Variants in CASKIN1 observed in about 807,000 individuals in gnomAD.
The protein encoded by CASKIN1 is CASK interacting protein 1.
Under a neutral mutation model 117.5 loss-of-function variants are expected in CASKIN1, and 42 were observed. The observed-to-expected ratio is 0.36, with a 90% CI of 0.28 to 0.46. The LOEUF is 0.46. CASKIN1 is among the 20% of genes least tolerant of loss of function. CASKIN1 has a pLI of 1.00. For missense variants in CASKIN1, 2,083 were observed against 2,077.3 expected (o/e 1.00, Z -0.05); for synonymous variants, 1,148 against 961.7 (o/e 1.19, Z -3.59).
rs572439884 is a variant in CASKIN1 at position 2,188,827 on chromosome 16, C to A, written c.617+200G>T. On this transcript the variant is annotated intron_variant, in intron 6 of 19. Coordinates refer to ENST00000343516, the MANE Select transcript of CASKIN1 (RefSeq NM_020764.4). ...AGGAGCGGTGGGGCTGGGACAGAGACGTCGCAGAAGCCCCCTTCCCAGCCC... is the reference window on the plus strand; with the variant it reads ...AGGAGCGGTGGGGCTGGGACAGAGAAGTCGCAGAAGCCCCCTTCCCAGCCC... 1.3e-4 allele frequency: 93 copies of A among 689,016 alleles called. 1 individual carries two copies. Among genetic ancestry groups the A allele is most frequent in the Middle Eastern group, 1.2e-3 (3 of 2,438 alleles). 42.7% of individuals were successfully genotyped at this position (689,016 alleles called of 1,614,324 possible).
chr16:2,178,554 T>A lies in CASKIN1; in HGVS notation c.4292A>T (p.Glu1431Val). The A allele has an allele frequency of 6.3e-7, 1 of 1,590,556 alleles. No homozygotes were observed. Residue 1431 changes from glutamate (E) to valine (V), a missense_variant, in exon 20 of 20, where the codon GAG (glutamate) becomes GTG (valine). Transcript: ENST00000343516. ...DLADQLDAML[E>V] ...GAGGGCCCGGCCAGGCGGCGTTCAC[T>A]CCAGCATGGCATCCAGCTGGTCGGC... is the stretch of plus-strand genomic sequence containing the variant.
At position 2,196,199 on chromosome 16, in the gene CASKIN1, A is replaced by G. The variant is rs1675069054; in HGVS notation, c.94+140T>C. ...GGGCAGCGGGTGGAGGGCACGGACC[A>G]AGGGTCTGGGCGCTGCTGGCCCCGC... is the stretch of plus-strand genomic sequence containing the variant. On this transcript the variant is annotated intron_variant, in intron 1 of 19. Coordinates refer to ENST00000343516, the MANE Select transcript of CASKIN1 (RefSeq NM_020764.4). This position sits in a 1 kb window ranked among gnomAD's most constrained non-coding sequence, Gnocchi z 5.7. The G allele has an allele frequency of 3.9e-6, 1 of 254,170 alleles. No homozygotes were observed. Among genetic ancestry groups the G allele is most frequent in the Non-Finnish European group, 7.3e-6 (1 of 137,916 alleles). The allele number at this position is 254,170 out of a possible 1,614,324, so 15.7% of individuals were successfully genotyped here.
chr16:2,190,069 T>C lies in CASKIN1; in HGVS notation c.244+4A>G. ...CCCCACCAGAGGCCCTCGGCTAGTC[T>C]TGCCTTTGTTGTCCTTGATGTCCAC... On this transcript the variant is annotated splice_donor_region_variant and intron_variant, in intron 3 of 19. Coordinates refer to ENST00000343516, the MANE Select transcript of CASKIN1 (RefSeq NM_020764.4). 1.3e-6 allele frequency: 2 copies of C among 1,598,648 alleles called. No homozygotes were observed. The highest frequency in any genetic ancestry group is 1.7e-6 in the Non-Finnish European group (2 of 1,170,230).
chr16:2,186,886 T>C (rs948135482), intron 9 of CASKIN1, 62 bp from the exon 10 acceptor site: 2 of 1,602,690 alleles, frequency 1.2e-6, no homozygotes, highest in South Asian at 1.1e-5. Flanking sequence ...TCCTGCCCAG[T>C]GCCCCCCAGT....
intron 6 of CASKIN1, among the ~76,000 whole-genome samples, chr16:2,188,458 C>G (rs1471480878): frequency 6.6e-6 from 1 of 151,712 alleles, no homozygotes; most frequent in Non-Finnish European, 1.5e-5. Context: ...TCAAGTGATT[C>G]TCCTGCCTTA....
chr16:2,193,763 C>G (rs2093207592), intron 1 of CASKIN1, among the ~76,000 whole-genome samples: 1 of 152,232 alleles, frequency 6.6e-6, no homozygotes, highest in Admixed American at 6.5e-5. Context: ...GTCCCTCTCC[C>G]CACTTATGGT....
In CASKIN1 at chr16:2,183,709, C is replaced by T; in HGVS notation, c.1566G>A (p.Arg522=). The T allele has an allele frequency of 6.2e-7, 1 of 1,613,392 alleles. No homozygotes were observed. Among genetic ancestry groups the T allele is most frequent in the African/African-American group, 1.3e-5 (1 of 75,068 alleles). The change falls in exon 16 of 20, where the codon CGG becomes CGA. Residue 522 remains arginine, a synonymous_variant. Coordinates refer to ENST00000343516, the MANE Select transcript of CASKIN1 (RefSeq NM_020764.4). ...TAIGVTKPGH[R]KKIAAEISGL... ...CGCTGATCTCTGCCGCGATCTTCTT[C>T]CGGTGGCCCGGCTTGGTGACACCAA...
At position 2,179,634 on chromosome 16, in the gene CASKIN1, G is replaced by T; in HGVS notation, c.3734C>A (p.Pro1245His). Reference sequence around the variant, plus strand: ...TGGCAGCGGCACCTTCTTGGAGGTGGGTGTGGGCGAGCCCTGGAGCTTGGG... The same window carrying T: ...TGGCAGCGGCACCTTCTTGGAGGTGTGTGTGGGCGAGCCCTGGAGCTTGGG... Reference protein sequence around the residue: ...PVPKLQGSPTPTSKKVPLPGP... With the variant: ...PVPKLQGSPTHTSKKVPLPGP... Residue 1245 changes from proline (P) to histidine (H), a missense_variant, in exon 18 of 20, where the codon CCC (proline) becomes CAC (histidine). Transcript: ENST00000343516. This position sits in a 1 kb window ranked among gnomAD's most constrained non-coding sequence, Gnocchi z 5.8. The T allele has an allele frequency of 6.8e-7, 1 of 1,479,556 alleles. No individual in the cohort carries two copies. Among genetic ancestry groups the T allele is most frequent in the Non-Finnish European group, 8.9e-7 (1 of 1,121,280 alleles). 91.7% of individuals were successfully genotyped at this position (1,479,556 alleles called of 1,614,324 possible).
chr16:2,178,420 G>T lies in CASKIN1; in HGVS notation c.*130C>A. ...CGGTGGGCGCCCCGGCCCGGGTCCA[G>T]GGGCCGGAGTTGTGCTTCTGCAGGG... On this transcript the variant is annotated 3_prime_UTR_variant, in exon 20 of 20. Coordinates refer to ENST00000343516, the MANE Select transcript of CASKIN1 (RefSeq NM_020764.4). 1.6e-6 allele frequency: 1 copy of T among 627,590 alleles called. No individual in the cohort carries two copies. The highest frequency in any genetic ancestry group is 2.4e-6 in the Non-Finnish European group (1 of 408,246). 38.9% of individuals were successfully genotyped at this position (627,590 alleles called of 1,614,324 possible).
Position 2,179,036 on chromosome 16 carries a change from CGCGGCGGCGGCGGCGGCG to C in CASKIN1, c.4047_4064del (p.Ala1350_Ala1355del), listed in dbSNP as rs553373927. Reference sequence around the variant, plus strand: ...AGGCGCCTTCGGGCGGGGCGGGGGGCGCGGCGGCGGCGGCGGCGGCGGCGGCGGCGGCTCGCGGGGGCT... The same window carrying C: ...AGGCGCCTTCGGGCGGGGCGGGGGGCGCGGCGGCGGCGGCTCGCGGGGGCT... On this transcript the variant is annotated inframe_deletion, in exon 19 of 20. Coordinates refer to ENST00000343516, the MANE Select transcript of CASKIN1 (RefSeq NM_020764.4). This position sits in a 1 kb window ranked among gnomAD's most constrained non-coding sequence, Gnocchi z 5.8. 27 of 1,116,480 alleles carry C rather than the reference CGCGGCGGCGGCGGCGGCG, an allele frequency of 2.4e-5. No individual in the cohort carries two copies. Among genetic ancestry groups the C allele is most frequent in the South Asian group, 8.6e-5 (2 of 23,270 alleles). The allele number at this position is 1,116,480 out of a possible 1,614,324, so 69.2% of individuals were successfully genotyped here. A position where few individuals can be genotyped will look rare whatever the true frequency, so the allele number is the denominator to read the frequency against.
At chr16:2,193,396 A>C (rs2141330179) in intron 1 of CASKIN1, among the ~76,000 whole-genome samples, 1 of 152,230 alleles carries the variant, frequency 6.6e-6, no homozygotes, top group Non-Finnish European at 1.5e-5. Context: ...GGGGCCTACC[A>C]CCATCCCTTG....
Position 2,179,424 on chromosome 16 carries a change from G to C in CASKIN1, c.3776-99C>G. ...GCTTCCTCCCCAGCGGACCGGGAAA[G>C]ACCCTGCTCACCTTGCCCCCAGCCC... On this transcript the variant is annotated intron_variant, in intron 18 of 19. Coordinates refer to ENST00000343516, the MANE Select transcript of CASKIN1 (RefSeq NM_020764.4). This position sits in a 1 kb window ranked among gnomAD's most constrained non-coding sequence, Gnocchi z 5.8. The C allele has an allele frequency of 2.2e-5, 29 of 1,338,060 alleles. No homozygotes were observed. Among genetic ancestry groups the C allele is most frequent in the South Asian group, 4.2e-5 (2 of 47,564 alleles). 82.9% of individuals were successfully genotyped at this position (1,338,060 alleles called of 1,614,324 possible).
At position 2,187,047 on chromosome 16, in the gene CASKIN1, C is replaced by T. The variant is rs752068943; in HGVS notation, c.861G>A (p.Arg287=). 8.7e-6 allele frequency: 14 copies of T among 1,613,696 alleles called. No individual in the cohort carries two copies. Among genetic ancestry groups the T allele is most frequent in the Middle Eastern group, 1.6e-4 (1 of 6,062 alleles). The change falls in exon 9 of 20, where the codon CGG becomes CGA. Residue 287 remains arginine (R), a synonymous_variant. Coordinates refer to ENST00000343516, the MANE Select transcript of CASKIN1 (RefSeq NM_020764.4). ...LREASAALQV[R]ATKDYCNNYD... is the part of the protein sequence containing the mutation. The stretch of plus-strand genomic sequence containing the variant: ...AATTGTTGCAATAATCCTTGGTCGC[C>T]CGGACCTGCAGGGCCGCTGAGGCCT...
chr16:2,182,015 C>A lies in CASKIN1; in HGVS notation c.1630-86G>T. The A allele has an allele frequency of 6.3e-7, 1 of 1,581,156 alleles. No homozygotes were observed. On this transcript the variant is annotated intron_variant, in intron 16 of 19. Transcript: ENST00000343516. The surrounding 1 kb of genome is among the most constrained non-coding windows in gnomAD (Gnocchi z 4.1). The stretch of plus-strand genomic sequence containing the variant: ...CTGGAGCTGGAGGAGGAAGGGTCAC[C>A]GGGCCAGCAGGGCACAGACAGACAG...
intron 14 of CASKIN1, 98 bp downstream of exon 14, chr16:2,184,679 C>T (rs905240215): frequency 1.8e-5 from 20 of 1,107,894 alleles, no homozygotes; most frequent in Admixed American, 6.8e-5. Context: ...CCGACCCCGC[C>T]GCTGCCAGGC....
At position 2,180,130 on chromosome 16, in the gene CASKIN1, C is replaced by A. The variant is rs761815788; in HGVS notation, c.3238G>T (p.Gly1080Trp). 1 of 1,553,284 alleles carries A rather than the reference C, an allele frequency of 6.4e-7. No homozygotes were observed. The highest frequency in any genetic ancestry group is 1.9e-5 in the Admixed American group (1 of 52,072). Reference sequence around the variant, plus strand: ...CCTGGGTCTGCCGACTCCCCAGGCCCCCGGCGGGCAGTGGCCAGAAGTCCG... The same window carrying A: ...CCTGGGTCTGCCGACTCCCCAGGCCACCGGCGGGCAGTGGCCAGAAGTCCG... ...VTGLLATARR[G>W]PGESADPGPF... is the part of the protein sequence containing the mutation. The change falls in exon 18 of 20, where the codon GGG becomes TGG. Residue 1080 changes from glycine (G) to tryptophan (W), a missense_variant. Physicochemically the swap from Gly to Trp is radical, Grantham distance 184. This residue lies in a region of CASKIN1 where 1,818 missense variants were observed against 1,688.9 expected (regional missense o/e 1.08). Transcript: ENST00000343516.
rs567154599 is a variant in CASKIN1, at chr16:2,180,499, G to C, written c.2869C>G (p.Leu957Val). 1.3e-6 allele frequency: 2 copies of C among 1,549,750 alleles called. No homozygotes were observed. Among genetic ancestry groups the C allele is most frequent in the Admixed American group, 1.9e-5 (1 of 52,526 alleles). Residue 957 changes from leucine (L) to valine (V), a missense_variant, in exon 18 of 20, where the codon CTG (leucine) becomes GTG (valine). Leu to Val is a conservative substitution (Grantham distance 32). Coordinates refer to ENST00000343516, the MANE Select transcript of CASKIN1 (RefSeq NM_020764.4). ...PPPPKRSSSALASANLADEPV... is the reference protein window; with the variant it reads ...PPPPKRSSSAVASANLADEPV... ...TCATCCGCCAGGTTGGCACTAGCCA[G>C]GGCCGAGCTGGAGCGCTTGGGTGGG...
chr16:2,196,320 C>T lies in CASKIN1; in HGVS notation c.94+19G>A. On this transcript the variant is annotated intron_variant, in intron 1 of 19. Coordinates refer to ENST00000343516, the MANE Select transcript of CASKIN1 (RefSeq NM_020764.4). This position sits in a 1 kb window ranked among gnomAD's most constrained non-coding sequence, Gnocchi z 5.7. ...GGCCCCCGGGGCTCCCACCCGCGCC[C>T]CGCGCCCCCGGCACTCACTGGCCTT... 8.6e-7 allele frequency: 1 copy of T among 1,164,952 alleles called. No individual in the cohort carries two copies. Among genetic ancestry groups the T allele is most frequent in the Non-Finnish European group, 1.1e-6 (1 of 939,048 alleles). 72.2% of individuals were successfully genotyped at this position (1,164,952 alleles called of 1,614,324 possible).
At position 2,189,548 on chromosome 16, in the gene CASKIN1, G is replaced by A; in HGVS notation, c.261C>T (p.His87=). The A allele has an allele frequency of 6.2e-7, 1 of 1,607,740 alleles. No individual in the cohort carries two copies. The highest frequency in any genetic ancestry group is 8.5e-7 in the Non-Finnish European group (1 of 1,177,984). The part of the protein sequence containing the change: ...IKDNKGMRPL[H]YAAWQGRKEP... ...CCTTCCGGCCCTGCCAGGCCGCATA[G>A]TGCAGCGGCCGCATGCCTGGGGGGC... Residue 87 remains histidine (H), a synonymous_variant, in exon 4 of 20, where the codon CAC becomes CAT. Coordinates refer to ENST00000343516, the MANE Select transcript of CASKIN1 (RefSeq NM_020764.4).
Sources: allele counts gnomAD v4.1 joint callset (sites outside exome capture counted in the v4.1 genomes callset), GRCh38; gene constraint gnomAD v4.1.1; regional missense constraint gnomAD v4.1.1; non-coding constraint Gnocchi (gnomAD v3.1); transcripts MANE v1.5; gene names NCBI Gene and HGNC (gene_info 2026-07-23, HGNC 2026-07-21).